The following RNF169 variants were observed in gnomAD, a reference collection of about 807,000 sequenced individuals.
RNF169 encodes E3 ubiquitin-protein ligase RNF169.
In RNF169, 24 loss-of-function variants were observed where a neutral mutation model predicts 53.9. The ratio of observed to expected loss-of-function variants is 0.45; its 90% CI spans 0.32 to 0.63. The LOEUF (loss-of-function observed/expected upper bound fraction) is 0.63, where lower values mean the gene tolerates loss of function less well. RNF169 is among the 20% of genes least tolerant of loss of function. The pLI is 0.04. For missense variants in RNF169, 883 were observed against 906.2 expected (o/e 0.97, Z 0.33); for synonymous variants, 396 against 363.5 (o/e 1.09, Z -1.02).
chr11:74,839,278 T>C lies in RNF169; in HGVS notation c.*2548T>C, dbSNP rs886722501. On this transcript the variant is annotated 3_prime_UTR_variant, in exon 6 of 6. Transcript: ENST00000299563. ...GGTCTAGGTTAAGGAGGGAGGAGGGTTGATCTTTAATCAGGTTGGCTTTGG... is the reference window on the plus strand; with the variant it reads ...GGTCTAGGTTAAGGAGGGAGGAGGGCTGATCTTTAATCAGGTTGGCTTTGG... 6.6e-6 allele frequency: 1 copy of C among 152,150 alleles called. No homozygotes were observed. Among genetic ancestry groups the C allele is most frequent in the Non-Finnish European group, 1.5e-5 (1 of 68,034 alleles). The allele number at this position is 152,150 out of a possible 1,614,324, so 9.4% of individuals were successfully genotyped here. A position where few individuals can be genotyped will look rare whatever the true frequency, so the allele number is the denominator to read the frequency against.
intron 5 of RNF169, 146 bp from the exon 6 acceptor site, chr11:74,835,400 G>A (rs79547377): frequency 0.051 from 32,099 of 630,664 alleles, 1,037 homozygotes; most frequent in Non-Finnish European, 0.059. Flanking sequence ...CTAAGTTAGG[G>A]ATTTTCTCCA....
intron 4 of RNF169, among the ~76,000 whole-genome samples, chr11:74,833,593 T>G (rs1280536558): frequency 6.6e-6 from 1 of 152,178 alleles, no homozygotes; most frequent in East Asian, 1.9e-4. Context: ...TATTTATTTG[T>G]CCACTGGACT....
intron 2 of RNF169, 50 bp from the exon 3 acceptor site, chr11:74,810,134 A>T: frequency 6.7e-7 from 1 of 1,499,976 alleles, no homozygotes; most frequent in Non-Finnish European, 9.1e-7. Flanking sequence ...ATATGTTTTT[A>T]AGTTTAGAGT....
At chr11:74,820,473 G>A (rs574878048) in intron 4 of RNF169, among the ~76,000 whole-genome samples, 5 of 152,202 alleles carry the variant, frequency 3.3e-5, no homozygotes, top group East Asian at 3.9e-4. Flanking sequence ...GGTGGGGGCC[G>A]TTAGGAGGTT....
rs1046902147 is a variant in RNF169 at position 74,803,061 on chromosome 11, C to T, written c.577-7123C>T. On this transcript the variant is annotated intron_variant, in intron 2 of 5. Coordinates refer to ENST00000299563, the MANE Select transcript of RNF169 (RefSeq NM_001098638.2). Reference sequence around the variant, plus strand: ...TCAGCCTCCTGAGTAGCTGGGACTACAGGCGCCCACCACCATGCCAGGCTA... The same window carrying T: ...TCAGCCTCCTGAGTAGCTGGGACTATAGGCGCCCACCACCATGCCAGGCTA... Among the ~76,000 whole-genome samples the T allele has an allele frequency of 4.6e-5, 7 of 151,346 alleles. No individual in the cohort carries two copies. In the East Asian group the frequency reaches 5.8e-4, roughly 13 times the overall value.
At chr11:74,798,393 C>G (rs1426197008) in intron 2 of RNF169, among the ~76,000 whole-genome samples, 1 of 151,210 alleles carries the variant, frequency 6.6e-6, no homozygotes, top group Admixed American at 6.6e-5. Context: ...TGCAGAGATG[C>G]AATAGACTTC....
At chr11:74,834,555 G>T in intron 4 of RNF169, 121 bp from the exon 5 acceptor site, 1 of 539,190 alleles carries the variant, frequency 1.9e-6, no homozygotes, top group Non-Finnish European at 3.2e-6. Flanking sequence ...TTCTATTGTA[G>T]CTGCCCAAGG....
intron 1 of RNF169, among the ~76,000 whole-genome samples, chr11:74,779,335 G>A (rs532589386): frequency 7.9e-5 from 12 of 152,180 alleles, no homozygotes; most frequent in African/African-American, 2.6e-4. Flanking sequence ...AGTAGTAATC[G>A]GTGGTGTAAA....
chr11:74,769,869 C>CT (rs2135323989), intron 1 of RNF169, among the ~76,000 whole-genome samples: 1 of 152,298 alleles, frequency 6.6e-6, no homozygotes, highest in East Asian at 1.9e-4. Context: ...AATCATGGCA[C>CT]ATTACAGCCT....
chr11:74,791,587 C>T (rs924200424), intron 2 of RNF169, among the ~76,000 whole-genome samples: 1 of 152,242 alleles, frequency 6.6e-6, no homozygotes, highest in African/African-American at 2.4e-5. Context: ...GTCAGCATCA[C>T]CATGAGTCTG....
chr11:74,787,738 A>G (rs1266435992), intron 1 of RNF169, among the ~76,000 whole-genome samples: 3 of 152,282 alleles, frequency 2.0e-5, no homozygotes, highest in East Asian at 1.9e-4. Context: ...CAGAGGGGCA[A>G]TTTGGTGTTC....
At chr11:74,825,335 A>T (rs1565186768) in intron 4 of RNF169, among the ~76,000 whole-genome samples, 1 of 152,226 alleles carries the variant, frequency 6.6e-6, no homozygotes, top group Non-Finnish European at 1.5e-5. Flanking sequence ...ATGAAACAAC[A>T]CGTTCTTTAA....
At chr11:74,799,282 A>G (rs1358998317) in intron 2 of RNF169, among the ~76,000 whole-genome samples, 1 of 152,152 alleles carries the variant, frequency 6.6e-6, no homozygotes, top group Non-Finnish European at 1.5e-5. Context: ...AATTCTCAAT[A>G]GAATGTTTAA....
rs542363477 is a variant in RNF169, at chr11:74,838,528, T to C, written c.*1798T>C. On this transcript the variant is annotated 3_prime_UTR_variant, in exon 6 of 6. Coordinates refer to ENST00000299563, the MANE Select transcript of RNF169 (RefSeq NM_001098638.2). ...AGAAATTCCAGAGATGTCTTAAACA[T>C]TGTGGTCATCATTGAGATAGGTGGA... The C allele has an allele frequency of 5.9e-5, 9 of 152,240 alleles. No individual in the cohort carries two copies. The highest frequency in any genetic ancestry group is 2.0e-4 in the Admixed American group (3 of 15,284). 9.4% of individuals were successfully genotyped at this position (152,240 alleles called of 1,614,324 possible).
At chr11:74,802,954 T>C (rs957641630) in intron 2 of RNF169, among the ~76,000 whole-genome samples, 3 of 152,078 alleles carry the variant, frequency 2.0e-5, no homozygotes, top group Non-Finnish European at 2.9e-5. Flanking sequence ...GGAGTCTTGC[T>C]CTGTCGCCCA....
chr11:74,785,256 T>TAC (rs1021951600), intron 1 of RNF169, among the ~76,000 whole-genome samples: 5 of 142,212 alleles, frequency 3.5e-5, no homozygotes, highest in African/African-American at 1.3e-4. Flanking sequence ...ATATGTTAGA[T>TAC]ATATATGTTA....
intron 2 of RNF169, among the ~76,000 whole-genome samples, chr11:74,795,111 G>C (rs1251448049): frequency 2.0e-5 from 3 of 151,840 alleles, no homozygotes; most frequent in Non-Finnish European, 4.4e-5. Flanking sequence ...TGGCCGGAAG[G>C]AAGGATTTTT....
chr11:74,767,460 C>T (rs1191843680), intron 1 of RNF169, among the ~76,000 whole-genome samples: 8 of 152,174 alleles, frequency 5.3e-5, no homozygotes, highest in East Asian at 1.9e-4. Flanking sequence ...GACTGGAGTT[C>T]GGTGGCGTGA....
intron 2 of RNF169, among the ~76,000 whole-genome samples, chr11:74,802,225 G>A (rs1012947024): frequency 6.6e-6 from 1 of 152,192 alleles, no homozygotes; most frequent in Non-Finnish European, 1.5e-5. Flanking sequence ...CCATGGCACT[G>A]TCTGGTTGGT....
Sources: gnomAD v4.1 joint callset for allele counts (sites outside exome capture counted in the v4.1 genomes callset) on GRCh38, gnomAD v4.1.1 for gene constraint, MANE v1.5 for transcripts, NCBI Gene and HGNC (gene_info 2026-07-23, HGNC 2026-07-21) for gene names.